Variants in BEND3 observed in about 807,000 individuals in gnomAD.
BEND3 encodes BEN domain containing 3.
Under a neutral mutation model 60.1 loss-of-function variants are expected in BEND3, and 13 were observed. The ratio of observed to expected loss-of-function variants is 0.22; its 90% CI spans 0.14 to 0.34. BEND3 has a LOEUF of 0.34. Among genes scored for constraint, BEND3 ranks in the 10% least tolerant of loss-of-function variants. BEND3 has a pLI of 1.00. For synonymous variants in BEND3, 497 were observed against 491.5 expected (o/e 1.01, Z -0.15); for missense variants, 896 against 1,138.1 (o/e 0.79, Z 3.06).
At chr6:107,096,543 A>G (rs1375301672) in intron 3 of BEND3, among the ~76,000 whole-genome samples, 1 of 152,196 alleles carries the variant, frequency 6.6e-6, no homozygotes, top group Non-Finnish European at 1.5e-5. Context: ...ACAAGGAGAC[A>G]GAGGCTGCAG....
chr6:107,078,255 C>T (rs1362838182), intron 3 of BEND3, among the ~76,000 whole-genome samples: 2 of 152,172 alleles, frequency 1.3e-5, no homozygotes, highest in African/African-American at 4.8e-5. Context: ...ACTTTGCCCT[C>T]CTGCACTTTC....
intron 3 of BEND3, among the ~76,000 whole-genome samples, chr6:107,098,107 C>T (rs1336503894): frequency 6.6e-6 from 1 of 151,956 alleles, no homozygotes; most frequent in Non-Finnish European, 1.5e-5. Flanking sequence ...GCCAGGAGTT[C>T]AAGACCAGCC....
chr6:107,080,369 A>C (rs1484239624), intron 3 of BEND3, among the ~76,000 whole-genome samples: 12 of 145,858 alleles, frequency 8.2e-5, no homozygotes, highest in East Asian at 1.9e-4. Context: ...AAAAAAAAAA[A>C]AAAAAAAACA....
At chr6:107,106,665 A>G (rs1554237541) in intron 1 of BEND3, among the ~76,000 whole-genome samples, 1 of 152,120 alleles carries the variant, frequency 6.6e-6, no homozygotes, top group African/African-American at 2.4e-5. Flanking sequence ...GGCAGAGTGC[A>G]GCAGTATGAT....
At chr6:107,082,141 G>T (rs1205334694) in intron 3 of BEND3, among the ~76,000 whole-genome samples, 3 of 152,172 alleles carry the variant, frequency 2.0e-5, no homozygotes, top group Non-Finnish European at 4.4e-5. Flanking sequence ...TATGTGACTT[G>T]CTTTGGCCAA....
intron 1 of BEND3, among the ~76,000 whole-genome samples, chr6:107,107,654 G>T (rs1366437390): frequency 6.6e-6 from 1 of 151,970 alleles, no homozygotes; most frequent in Non-Finnish European, 1.5e-5. Flanking sequence ...GTAGAGACGG[G>T]GTTTTACCAT....
chr6:107,072,208 C>T (rs575370761), intron 3 of BEND3, among the ~76,000 whole-genome samples: 6 of 152,316 alleles, frequency 3.9e-5, no homozygotes, highest in Non-Finnish European at 2.9e-5. Context: ...CAAGAACAAA[C>T]GGCATCCTGG....
At chr6:107,100,620 G>A (rs1775684311) in intron 1 of BEND3, among the ~76,000 whole-genome samples, 1 of 152,070 alleles carries the variant, frequency 6.6e-6, no homozygotes, top group South Asian at 2.1e-4. Context: ...AGGGTCTGAA[G>A]CAAAACCTGC....
intron 3 of BEND3, among the ~76,000 whole-genome samples, chr6:107,079,895 C>T (rs113697802): frequency 0.015 from 2,186 of 144,004 alleles, 47 homozygotes; most frequent in African/African-American, 0.052. Flanking sequence ...TTCCTTTCTA[C>T]TTTTTTTTTT....
chr6:107,088,950 A>T (rs1290312623), intron 3 of BEND3, among the ~76,000 whole-genome samples: 1 of 152,186 alleles, frequency 6.6e-6, no homozygotes, highest in African/African-American at 2.4e-5. Context: ...TCTGGAGACC[A>T]GCCTGGTCAA....
intron 3 of BEND3, among the ~76,000 whole-genome samples, chr6:107,097,688 G>A (rs562863088): frequency 7.3e-5 from 11 of 149,676 alleles, no homozygotes; most frequent in African/African-American, 2.7e-4. Context: ...TTCTCGGGAG[G>A]CTGAGGTAGG....
intron 1 of BEND3, among the ~76,000 whole-genome samples, chr6:107,110,693 T>C (rs1262111630): frequency 2.6e-5 from 4 of 152,034 alleles, no homozygotes; most frequent in African/African-American, 9.7e-5. Flanking sequence ...CCCGAGTAGC[T>C]GGGATTACCC....
At position 107,067,751 on chromosome 6, in the gene BEND3, C is replaced by T. The variant is rs1018786937; in HGVS notation, c.*953G>A. 3 of 152,222 alleles carry T rather than the reference C, an allele frequency of 2.0e-5. No homozygotes were observed. Among genetic ancestry groups the T allele is most frequent in the Non-Finnish European group, 4.4e-5 (3 of 68,084 alleles). The allele number at this position is 152,222 out of a possible 1,614,324, so 9.4% of individuals were successfully genotyped here. A position where few individuals can be genotyped will look rare whatever the true frequency, so the allele number is the denominator to read the frequency against. ...CCTGGATTTTGTACAAATACACACA[C>T]GGAAAAGTAAACAGTTCATGGTGAG... On this transcript the variant is annotated 3_prime_UTR_variant, in exon 4 of 4. Coordinates refer to ENST00000369042, the MANE Select transcript of BEND3 (RefSeq NM_001367314.1).
chr6:107,100,467 T>C (rs1775681241), intron 1 of BEND3, among the ~76,000 whole-genome samples: 1 of 152,074 alleles, frequency 6.6e-6, no homozygotes, highest in Admixed American at 6.5e-5. Flanking sequence ...CAGGGTTTCA[T>C]CGTGTTAGCC....
rs1249028363 is a variant in BEND3, at chr6:107,115,480, G to C, written c.-402C>G. Among the ~76,000 whole-genome samples, 84 of 147,070 alleles carry C rather than the reference G, an allele frequency of 5.7e-4. No individual in the cohort carries two copies. Among genetic ancestry groups the C allele is most frequent in the Non-Finnish European group, 1.1e-3 (74 of 66,108 alleles). On this transcript the variant is annotated 5_prime_UTR_variant, in exon 1 of 4. Transcript: ENST00000369042. ...CGGGGAGCTCGGGCGCGCACTCCCG[G>C]GACCCAGGCGGCCCGGCGCGCTCGG...
At chr6:107,079,416 C>T (rs1382941725) in intron 3 of BEND3, among the ~76,000 whole-genome samples, 1 of 152,082 alleles carries the variant, frequency 6.6e-6, no homozygotes, top group African/African-American at 2.4e-5. Context: ...GGTGGAGGGT[C>T]TAATTGAGCT....
At chr6:107,089,015 G>A (rs1365382309) in intron 3 of BEND3, among the ~76,000 whole-genome samples, 1 of 151,984 alleles carries the variant, frequency 6.6e-6, no homozygotes, top group Non-Finnish European at 1.5e-5. Flanking sequence ...GCGTGATGGT[G>A]GGTGCCTGTA....
chr6:107,094,301 C>A (rs1303181028), intron 3 of BEND3, among the ~76,000 whole-genome samples: 1 of 151,966 alleles, frequency 6.6e-6, no homozygotes, highest in Non-Finnish European at 1.5e-5. Context: ...AGATTCTCCA[C>A]ATCATATGTT....
At chr6:107,090,123 C>T (rs781810712) in intron 3 of BEND3, among the ~76,000 whole-genome samples, 1 of 151,900 alleles carries the variant, frequency 6.6e-6, no homozygotes, top group Non-Finnish European at 1.5e-5. Context: ...CCAAGGCAGA[C>T]AGATTGCTTG....
Sources: allele counts gnomAD v4.1 joint callset (sites outside exome capture counted in the v4.1 genomes callset), GRCh38; gene constraint gnomAD v4.1.1; transcripts MANE v1.5; gene names NCBI Gene and HGNC (gene_info 2026-07-23, HGNC 2026-07-21).